WWOX: variants seen among roughly 807,000 people sequenced by gnomAD.
WWOX encodes WW domain-containing oxidoreductase.
A neutral mutation model predicts 46.2 loss-of-function variants in WWOX; 69 were observed. The observed-to-expected ratio is 1.49, with a 90% confidence interval of 1.23 to 1.82. The LOEUF (loss-of-function observed/expected upper bound fraction) is 1.82. Ranked by LOEUF, WWOX falls within the 40% of genes most tolerant of loss-of-function variation. The pLI is 0.00. For synonymous variants in WWOX, 359 were observed against 202.6 expected (o/e 1.77, Z -6.56); for missense variants, 919 against 542.6 (o/e 1.69, Z -6.89).
intron 8 of WWOX, among the ~76,000 whole-genome samples, chr16:78,798,844 C>T (rs992152707): frequency 6.6e-6 from 1 of 152,118 alleles, no homozygotes; most frequent in African/African-American, 2.4e-5. Flanking sequence ...TCAGATGCGG[C>T]CAATGTCAGG....
chr16:78,158,210 A>G (rs934355030), intron 4 of WWOX, among the ~76,000 whole-genome samples: 3 of 152,206 alleles, frequency 2.0e-5, no homozygotes, highest in East Asian at 1.9e-4. Context: ...GCTCTTTCAC[A>G]TGGTGATGTC....
intron 8 of WWOX, among the ~76,000 whole-genome samples, chr16:79,114,920 G>A (rs1478040073): frequency 6.6e-6 from 1 of 152,208 alleles, no homozygotes; most frequent in Non-Finnish European, 1.5e-5. Flanking sequence ...AGAGGCAGGA[G>A]CCGGGGCTGC....
At chr16:78,319,311 G>C (rs1280599276) in intron 5 of WWOX, among the ~76,000 whole-genome samples, 4 of 152,128 alleles carry the variant, frequency 2.6e-5, no homozygotes, top group Non-Finnish European at 4.4e-5. Flanking sequence ...TTTTGAGACA[G>C]GGTTTTGCTC....
At chr16:78,494,931 G>A (rs906538410) in intron 8 of WWOX, among the ~76,000 whole-genome samples, 5 of 152,052 alleles carry the variant, frequency 3.3e-5, no homozygotes, top group African/African-American at 9.7e-5. Context: ...TTCCTCTTTC[G>A]GTACTTTGTT....
chr16:78,938,319 C>T lies in WWOX; in HGVS notation c.1057-273289C>T, dbSNP rs528618608. Among the ~76,000 whole-genome samples, 28 of 152,302 alleles carry T rather than the reference C, an allele frequency of 1.8e-4. No individual in the cohort carries two copies. In the South Asian group the frequency reaches 5.4e-3, roughly 29 times the overall value. The stretch of plus-strand genomic sequence containing the variant: ...TTTTCCAACTAGGGTGTGGACCATC[C>T]TTCAGAGCTTGGCCTCCAAGTTGGA... On this transcript the variant is annotated intron_variant, in intron 8 of 8. Transcript: ENST00000566780.
chr16:78,354,891 T>C (rs1397073054), intron 5 of WWOX, among the ~76,000 whole-genome samples: 1 of 152,180 alleles, frequency 6.6e-6, no homozygotes, highest in African/African-American at 2.4e-5. Context: ...CCCAACACTT[T>C]TGGAGGCCAA....
At chr16:78,403,092 G>A (rs765336326) in intron 6 of WWOX, among the ~76,000 whole-genome samples, 5 of 152,174 alleles carry the variant, frequency 3.3e-5, no homozygotes, top group Non-Finnish European at 7.3e-5. Context: ...ATATCTCTAG[G>A]CAAAACAGAG....
chr16:78,157,959 T>A (rs1249997143), intron 4 of WWOX, among the ~76,000 whole-genome samples: 1 of 152,250 alleles, frequency 6.6e-6, no homozygotes, highest in Non-Finnish European at 1.5e-5. Context: ...AGGCTCTCAA[T>A]ATATGTTTAC....
At chr16:79,109,180 C>G (rs568625012) in intron 8 of WWOX, among the ~76,000 whole-genome samples, 13 of 152,296 alleles carry the variant, frequency 8.5e-5, no homozygotes, top group Non-Finnish European at 1.6e-4. Flanking sequence ...TTCCAGGACT[C>G]TGTGTAAACT....
chr16:78,339,341 G>C (rs1179047377), intron 5 of WWOX, among the ~76,000 whole-genome samples: 1 of 101,492 alleles, frequency 9.9e-6, no homozygotes, highest in Admixed American at 1.0e-4. Flanking sequence ...TCATGTGATT[G>C]TCTAAATCTC....
intron 5 of WWOX, among the ~76,000 whole-genome samples, chr16:78,336,304 C>A (rs1419631419): frequency 7.0e-6 from 1 of 142,032 alleles, no homozygotes; most frequent in Non-Finnish European, 1.5e-5. Context: ...GAAACCCCAT[C>A]CCTACTAAAA....
chr16:78,697,345 G>C (rs2048122125), intron 8 of WWOX, among the ~76,000 whole-genome samples: 2 of 151,998 alleles, frequency 1.3e-5, no homozygotes, highest in Non-Finnish European at 1.5e-5. Flanking sequence ...TGCATTTTTG[G>C]TAATGGCCAT....
chr16:79,056,338 C>G (rs1220310122), intron 8 of WWOX, among the ~76,000 whole-genome samples: 3 of 152,138 alleles, frequency 2.0e-5, no homozygotes, highest in Non-Finnish European at 4.4e-5. Context: ...TTTGTACATT[C>G]TTTGAAGAAT....
chr16:78,942,689 C>G (rs1209547547), intron 8 of WWOX, among the ~76,000 whole-genome samples: 2 of 152,192 alleles, frequency 1.3e-5, no homozygotes, highest in South Asian at 2.1e-4. Context: ...TAATGAGGAC[C>G]TTGAACTTAA....
At chr16:78,485,154 T>A (rs113083085) in intron 8 of WWOX, among the ~76,000 whole-genome samples, 2 of 152,058 alleles carry the variant, frequency 1.3e-5, no homozygotes, top group Non-Finnish European at 2.9e-5. Flanking sequence ...AAAAAAAAAA[T>A]TAATAAAGTT....
chr16:79,080,411 A>T (rs138294900), intron 8 of WWOX, among the ~76,000 whole-genome samples: 1 of 152,112 alleles, frequency 6.6e-6, no homozygotes, highest in African/African-American at 2.4e-5. Context: ...CCTAGAACCA[A>T]ATTGCCTAAC....
chr16:78,666,113 C>A (rs748737298), intron 8 of WWOX, among the ~76,000 whole-genome samples: 91 of 151,888 alleles, frequency 6.0e-4, no homozygotes, highest in Non-Finnish European at 9.4e-4. Flanking sequence ...AGTGAGAGCC[C>A]CATGTTTCTA....
At chr16:78,249,007 C>T (rs2037907028) in intron 5 of WWOX, among the ~76,000 whole-genome samples, 1 of 151,698 alleles carries the variant, frequency 6.6e-6, no homozygotes, top group Non-Finnish European at 1.5e-5. Context: ...CAGGCACGTG[C>T]CACCATGCCC....
intron 8 of WWOX, among the ~76,000 whole-genome samples, chr16:78,860,242 C>T (rs80204879): frequency 0.019 from 2,885 of 152,270 alleles, 30 homozygotes; most frequent in Non-Finnish European, 0.032. Flanking sequence ...GTCAATTCCA[C>T]TATAGTAGAT....
Sources: allele counts gnomAD v4.1 joint callset (sites outside exome capture counted in the v4.1 genomes callset), GRCh38; gene constraint gnomAD v4.1.1; transcripts MANE v1.5; gene names NCBI Gene and HGNC (gene_info 2026-07-23, HGNC 2026-07-21).